The following EYA3 variants were observed in gnomAD, a reference collection of about 807,000 sequenced individuals.
EYA3 encodes the protein EYA transcriptional coactivator and phosphatase 3, also known as protein phosphatase EYA3.
In EYA3, 39 loss-of-function variants were observed where a neutral mutation model predicts 80.0. The observed-to-expected ratio is 0.49, with a 90% CI of 0.38 to 0.64. The LOEUF is 0.64. EYA3 is among the 30% of genes least tolerant of loss of function. The pLI, the probability that EYA3 is intolerant of heterozygous loss-of-function variation, is 0.00. For synonymous variants in EYA3, 206 were observed against 232.8 expected (o/e 0.88, Z 1.05); for missense variants, 523 against 676.1 (o/e 0.77, Z 2.51).
intron 2 of EYA3, among the ~76,000 whole-genome samples, chr1:28,051,426 G>A (rs1644245230): frequency 6.6e-6 from 1 of 152,248 alleles, no homozygotes; most frequent in African/African-American, 2.4e-5. Context: ...AGTGGCTCAC[G>A]CTTCTAATCC....
At chr1:28,016,090 A>G (rs1228922313) in intron 8 of EYA3, among the ~76,000 whole-genome samples, 2 of 152,176 alleles carry the variant, frequency 1.3e-5, no homozygotes, top group Non-Finnish European at 1.5e-5. Context: ...CTGTGGATGA[A>G]GTAATTAACA....
At chr1:28,022,433 C>A (rs1642503115) in intron 7 of EYA3, among the ~76,000 whole-genome samples, 1 of 152,142 alleles carries the variant, frequency 6.6e-6, no homozygotes, top group Middle Eastern at 3.2e-3. Flanking sequence ...CAGGTATGAG[C>A]CACCGCGCCC....
chr1:28,051,411 G>A (rs1644243608), intron 2 of EYA3, among the ~76,000 whole-genome samples: 1 of 152,152 alleles, frequency 6.6e-6, no homozygotes, highest in Non-Finnish European at 1.5e-5. Flanking sequence ...AATATGGCCG[G>A]GTCCAGTGGC....
Position 27,974,259 on chromosome 1 carries a change from C to CAG in EYA3, c.*205_*206dup, listed in dbSNP as rs3831952. On this transcript the variant is annotated 3_prime_UTR_variant, in exon 18 of 18. Coordinates refer to ENST00000373871, the MANE Select transcript of EYA3 (RefSeq NM_001990.4). The stretch of plus-strand genomic sequence containing the variant: ...CTCGCCAGCATTCCATGGATAAAGA[C>CAG]AGAGAGAGAGAGAGAGAGAGAGGCA... 18,944 of 335,636 alleles carry CAG rather than the reference C, an allele frequency of 0.056. 663 individuals carry two copies. The highest frequency in any genetic ancestry group is 0.19 in the East Asian group (3,731 of 20,032). The allele number at this position is 335,636 out of a possible 1,614,324, so 20.8% of individuals were successfully genotyped here.
chr1:27,973,664 C>G lies in EYA3; in HGVS notation c.*802G>C, dbSNP rs112601538. ...ATGGGAAATGCCAAAGTTTAAGTTA[C>G]TCAGTGTCCAGTGCCCCACAGTTCA... On this transcript the variant is annotated 3_prime_UTR_variant, in exon 18 of 18. Transcript: ENST00000373871. 0.014 allele frequency: 2,124 copies of G among 152,256 alleles called. 30 individuals carry two copies. The highest frequency in any genetic ancestry group is 0.041 in the Middle Eastern group (12 of 294). The allele number at this position is 152,256 out of a possible 1,614,324, so 9.4% of individuals were successfully genotyped here.
chr1:28,024,024 A>T (rs1252883324), intron 7 of EYA3, among the ~76,000 whole-genome samples: 1 of 152,200 alleles, frequency 6.6e-6, no homozygotes, highest in Admixed American at 6.5e-5. Flanking sequence ...GGATCACTTG[A>T]GGTGAGGAGT....
intron 2 of EYA3, among the ~76,000 whole-genome samples, chr1:28,053,544 T>TGTGAA (rs1644343431): frequency 6.6e-6 from 1 of 152,190 alleles, no homozygotes; most frequent in Non-Finnish European, 1.5e-5. Context: ...ACTGCGTGTC[T>TGTGAA]TTTCTGTATC....
At chr1:28,035,972 G>C (rs1353042002) in intron 5 of EYA3, among the ~76,000 whole-genome samples, 2 of 151,986 alleles carry the variant, frequency 1.3e-5, no homozygotes, top group Admixed American at 1.3e-4. Context: ...CCACCACCAT[G>C]CCTGGCTAAT....
chr1:27,994,504 T>C (rs1338266974), intron 13 of EYA3, among the ~76,000 whole-genome samples: 1 of 151,936 alleles, frequency 6.6e-6, no homozygotes, highest in African/African-American at 2.4e-5. Context: ...TCGGCCAACA[T>C]GGTGAAACCC....
intron 9 of EYA3, among the ~76,000 whole-genome samples, chr1:28,012,427 C>G (rs898258769): frequency 6.6e-6 from 1 of 152,166 alleles, no homozygotes; most frequent in Non-Finnish European, 1.5e-5. Context: ...AAACTGTTCA[C>G]TTGTTATATA....
intron 2 of EYA3, among the ~76,000 whole-genome samples, chr1:28,051,097 A>T (rs1001919560): frequency 6.6e-6 from 1 of 152,236 alleles, no homozygotes; most frequent in African/African-American, 2.4e-5. Context: ...GGGCCATACC[A>T]GGACAGTAGT....
At chr1:27,992,835 C>T (rs899494732) in intron 14 of EYA3, among the ~76,000 whole-genome samples, 6 of 152,176 alleles carry the variant, frequency 3.9e-5, no homozygotes, top group Non-Finnish European at 1.5e-5. Flanking sequence ...GATTAGACTT[C>T]TGTCTCTTTT....
intron 16 of EYA3, among the ~76,000 whole-genome samples, chr1:27,988,059 G>A (rs541308625): frequency 1.4e-4 from 22 of 152,012 alleles, no homozygotes; most frequent in African/African-American, 2.4e-4. Flanking sequence ...TTGTAGAGAC[G>A]GAGGTCTGCC....
At chr1:28,066,370 C>T (rs1388737346) in intron 1 of EYA3, among the ~76,000 whole-genome samples, 2 of 151,460 alleles carry the variant, frequency 1.3e-5, no homozygotes, top group Non-Finnish European at 2.9e-5. Context: ...TTTTATCTTA[C>T]GTATATTTTA....
intron 1 of EYA3, among the ~76,000 whole-genome samples, chr1:28,083,908 T>A (rs1645521341): frequency 6.6e-6 from 1 of 152,222 alleles, no homozygotes; most frequent in Admixed American, 6.5e-5. Context: ...AGTAGGTGCC[T>A]AAACAATATT....
chr1:28,019,809 T>C (rs1336683850), intron 7 of EYA3, among the ~76,000 whole-genome samples: 2 of 152,054 alleles, frequency 1.3e-5, no homozygotes, highest in African/African-American at 4.8e-5. Flanking sequence ...TCAAGAATCC[T>C]CCTGCCTCAG....
At chr1:28,073,127 A>ATATATATATTTTTT (rs1553157671) in intron 1 of EYA3, among the ~76,000 whole-genome samples, 4 of 14,998 alleles carry the variant, frequency 2.7e-4, no homozygotes, top group Non-Finnish European at 3.4e-4. Context: ...ATATATATAT[A>ATATATATATTTTTT]TTTTTTTTTT....
rs12567048 is a variant in EYA3, at chr1:28,000,100, T to C, written c.994-51A>G. The C allele has an allele frequency of 3.3e-5, 44 of 1,334,238 alleles. No individual in the cohort carries two copies. The South Asian group carries it at 5.7e-4, about 17-fold the overall frequency. The allele number at this position is 1,334,238 out of a possible 1,614,324, so 82.6% of individuals were successfully genotyped here. ...CTTGACTTGGTAGTCACAGTCCTGG[T>C]TCTAATCTTCAAATTTCAAAATTAT... On this transcript the variant is annotated intron_variant, in intron 11 of 17. Coordinates refer to ENST00000373871, the MANE Select transcript of EYA3 (RefSeq NM_001990.4).
At chr1:28,058,117 A>T in intron 1 of EYA3, 23 bp from the exon 2 acceptor site, 1 of 1,022,604 alleles carries the variant, frequency 9.8e-7, no homozygotes, top group Non-Finnish European at 1.4e-6. Flanking sequence ...AGGAGGATTC[A>T]AAGCTTTATA....
Sources: allele counts gnomAD v4.1 joint callset (sites outside exome capture counted in the v4.1 genomes callset), GRCh38; gene constraint gnomAD v4.1.1; transcripts MANE v1.5; gene names NCBI Gene and HGNC (gene_info 2026-07-23, HGNC 2026-07-21).